Variants in CCDC92 observed in about 807,000 individuals in gnomAD.
The protein encoded by CCDC92 is coiled-coil domain-containing protein 92.
Under a neutral mutation model 24.9 loss-of-function variants are expected in CCDC92, and 12 were observed. The ratio of observed to expected loss-of-function variants is 0.48; its 90% CI spans 0.31 to 0.78. The LOEUF is 0.78. Among genes scored for constraint, CCDC92 ranks in the 30% least tolerant of loss-of-function variants. CCDC92 has a pLI of 0.05. For missense variants in CCDC92, 399 were observed against 439.4 expected (o/e 0.91, Z 0.82); for synonymous variants, 193 against 196.3 (o/e 0.98, Z 0.14).
intron 2 of CCDC92, chr12:123,944,007 G>A: frequency 1.9e-6 from 1 of 514,938 alleles, no homozygotes; most frequent in Non-Finnish European, 3.4e-6. Flanking sequence ...GGGAAAAGCT[G>A]GCACCTGGGA....
chr12:123,963,316 T>C (rs1265699232), intron 1 of CCDC92, among the ~76,000 whole-genome samples: 1 of 152,178 alleles, frequency 6.6e-6, no homozygotes, highest in East Asian at 1.9e-4. Flanking sequence ...TATGGCACTT[T>C]TGGGAGGGCA....
At chr12:123,963,358 C>T (rs1165394989) in intron 1 of CCDC92, among the ~76,000 whole-genome samples, 1 of 152,156 alleles carries the variant, frequency 6.6e-6, no homozygotes, top group African/African-American at 2.4e-5. Flanking sequence ...CCCTCCCGTA[C>T]CAGACAGCTG....
At chr12:123,942,375 C>G (rs780272331) in intron 4 of CCDC92, among the ~76,000 whole-genome samples, 1 of 152,228 alleles carries the variant, frequency 6.6e-6, no homozygotes, top group Non-Finnish European at 1.5e-5. Context: ...GGAGCGGGGG[C>G]GGTTCTGCCC....
At chr12:123,969,193 CAT>C (rs373968432) in intron 1 of CCDC92, among the ~76,000 whole-genome samples, 440 of 152,314 alleles carry the variant, frequency 2.9e-3, no homozygotes, top group African/African-American at 9.2e-3. Flanking sequence ...AAATAGGGCA[CAT>C]GTCTTTCTTC....
At chr12:123,942,868 C>A in intron 3 of CCDC92, 83 bp from the exon 4 acceptor site, 2 of 1,093,188 alleles carry the variant, frequency 1.8e-6, no homozygotes, top group Non-Finnish European at 2.8e-6. Flanking sequence ...AACCGATTCC[C>A]ACGATTAGCC....
At chr12:123,969,215 A>G (rs148918581) in intron 1 of CCDC92, among the ~76,000 whole-genome samples, 220 of 152,296 alleles carry the variant, frequency 1.4e-3, no homozygotes, top group Middle Eastern at 6.8e-3. Context: ...CTTCAAACAC[A>G]AAGCTCCAAT....
At chr12:123,952,160 T>C (rs1292511480) in intron 1 of CCDC92, among the ~76,000 whole-genome samples, 2 of 152,234 alleles carry the variant, frequency 1.3e-5, no homozygotes, top group Non-Finnish European at 2.9e-5. Context: ...ATGTTAGCTA[T>C]ATTATTTTTA....
At chr12:123,968,222 C>T (rs1413713830) in intron 1 of CCDC92, 3 of 152,150 alleles carry the variant, frequency 2.0e-5, no homozygotes, top group African/African-American at 7.2e-5. Context: ...ACACTTCTTG[C>T]TTCGTAGTAA....
chr12:123,962,905 A>G (rs1195420752), intron 1 of CCDC92: 1 of 152,170 alleles, frequency 6.6e-6, no homozygotes, highest in Non-Finnish European at 1.5e-5. Context: ...GTTTTCTGAT[A>G]TGAGGCAAAC....
At chr12:123,960,273 A>G (rs572178341) in intron 1 of CCDC92, among the ~76,000 whole-genome samples, 2 of 152,130 alleles carry the variant, frequency 1.3e-5, no homozygotes, top group Non-Finnish European at 2.9e-5. Flanking sequence ...CAACCCCATC[A>G]TTAGGTACTA....
chr12:123,949,358 C>T (rs2178663), intron 1 of CCDC92, among the ~76,000 whole-genome samples: 45,823 of 152,206 alleles, frequency 0.3, 7,056 homozygotes, highest in Middle Eastern at 0.34. Context: ...GAGAGCCATC[C>T]GCAATCTTAC....
At chr12:123,965,444 T>C (rs1566179293) in intron 1 of CCDC92, among the ~76,000 whole-genome samples, 1 of 152,208 alleles carries the variant, frequency 6.6e-6, no homozygotes, top group African/African-American at 2.4e-5. Context: ...TCTTTCTCAC[T>C]TTTTCCTGTC....
At chr12:123,966,520 C>G (rs981792682) in intron 1 of CCDC92, 1 of 152,216 alleles carries the variant, frequency 6.6e-6, no homozygotes, top group African/African-American at 2.4e-5. Flanking sequence ...CAGGTTCACT[C>G]TGCAGTTCAG....
In CCDC92 at chr12:123,935,776, C is replaced by T. The variant is rs768628239; in HGVS notation, c.*1282G>A. ...GAAAACACTTGATTAGGCAAAAGTG[C>T]CTGGCATACATAGCATTGGCACAAG... On this transcript the variant is annotated 3_prime_UTR_variant, in exon 5 of 5. Transcript: ENST00000238156. 1.3e-5 allele frequency: 4 copies of T among 298,312 alleles called. No individual in the cohort carries two copies. The highest frequency in any genetic ancestry group is 2.1e-5 in the African/African-American group (1 of 46,978). The allele number at this position is 298,312 out of a possible 1,614,324, so 18.5% of individuals were successfully genotyped here.
At chr12:123,963,494 T>C (rs1473823068) in intron 1 of CCDC92, among the ~76,000 whole-genome samples, 1 of 152,226 alleles carries the variant, frequency 6.6e-6, no homozygotes, top group Admixed American at 6.5e-5. Flanking sequence ...TTAACCTGTT[T>C]AGCTAAAATG....
chr12:123,965,151 C>T (rs904075805), intron 1 of CCDC92, among the ~76,000 whole-genome samples: 4 of 152,112 alleles, frequency 2.6e-5, no homozygotes, highest in Non-Finnish European at 5.9e-5. Flanking sequence ...TGTTTGATAA[C>T]ATTTGAAAAC....
intron 3 of CCDC92, 61 bp downstream of exon 3, chr12:123,943,286 G>A (rs930641093): frequency 1.2e-5 from 19 of 1,570,310 alleles, no homozygotes; most frequent in African/African-American, 6.7e-5. Context: ...ACATTCTGAC[G>A]CTGGGCTCTG....
At chr12:123,963,317 T>A (rs1320448110) in intron 1 of CCDC92, among the ~76,000 whole-genome samples, 1 of 152,198 alleles carries the variant, frequency 6.6e-6, no homozygotes, top group African/African-American at 2.4e-5. Flanking sequence ...ATGGCACTTT[T>A]GGGAGGGCAA....
At position 123,944,367 on chromosome 12, in the gene CCDC92, G is replaced by C; in HGVS notation, c.-59-3C>G. 7.1e-7 allele frequency: 1 copy of C among 1,417,520 alleles called. No homozygotes were observed. The allele number at this position is 1,417,520 out of a possible 1,614,324, so 87.8% of individuals were successfully genotyped here. A position where few individuals can be genotyped will look rare whatever the true frequency, so the allele number is the denominator to read the frequency against. ...CGCTTGTACAGCACTGAAAAATACT[G>C]AGGATGAAATGTGAGTTATTTGCTT... On this transcript the variant is annotated splice_polypyrimidine_tract_variant and splice_region_variant and intron_variant, in intron 1 of 4. Coordinates refer to ENST00000238156, the MANE Select transcript of CCDC92 (RefSeq NM_025140.3).
Sources: gnomAD v4.1 joint callset for allele counts (sites outside exome capture counted in the v4.1 genomes callset) on GRCh38, gnomAD v4.1.1 for gene constraint, MANE v1.5 for transcripts, NCBI Gene and HGNC (gene_info 2026-07-23, HGNC 2026-07-21) for gene names.